The following RIMBP2 variants were observed in gnomAD, a reference collection of about 807,000 sequenced individuals.
RIMBP2 encodes RIMS binding protein 2, also known as RIMS-binding protein 2.
In RIMBP2, 48 loss-of-function variants were observed where a neutral mutation model predicts 118.6. The observed-to-expected ratio is 0.40, with a 90% CI of 0.32 to 0.51. The LOEUF is 0.51. Ranked by LOEUF, RIMBP2 falls within the 20% of genes least tolerant of loss-of-function variation. RIMBP2 has a pLI of 0.41. For missense variants in RIMBP2, 1,551 were observed against 1,768.3 expected, an observed-to-expected ratio of 0.88 and a Z score of 2.20; for synonymous variants, 762 against 742.9, an observed-to-expected ratio of 1.03 and a Z score of -0.42.
chr12:130,631,073 G>A (rs2061967563), intron 1 of RIMBP2, among the ~76,000 whole-genome samples: 1 of 152,136 alleles, frequency 6.6e-6, no homozygotes, highest in African/African-American at 2.4e-5. Flanking sequence ...AGAGCAATGG[G>A]TTTGAAACAA....
In RIMBP2 at chr12:130,481,097, C is replaced by G. The variant is rs536723998; in HGVS notation, c.-3-2081G>C. Among the ~76,000 whole-genome samples the G allele has an allele frequency of 9.9e-3, 237 of 23,898 alleles. 1 individual carries two copies. Among genetic ancestry groups the G allele is most frequent in the African/African-American group, 0.023 (212 of 9,406 alleles). The allele number at this position is 23,898 out of a possible 152,430, so 15.7% of individuals were successfully genotyped here. A position where few individuals can be genotyped will look rare whatever the true frequency, so the allele number is the denominator to read the frequency against. The stretch of plus-strand genomic sequence containing the variant: ...TGCTGAGACTGGCAAGCTGTGAGGG[C>G]GGGGGGCACCCAGGCTCAGGGGGAG... On this transcript the variant is annotated intron_variant, in intron 4 of 22. Transcript: ENST00000690449.
rs2138007841 is a variant in RIMBP2, at chr12:130,475,752, C to T, written c.102+3160G>A. ...ACAGAGAAGTAAGACAACAAGCAAA[C>T]AAAAAAGGCAATTAACTCCAGGGAA... On this transcript the variant is annotated intron_variant, in intron 5 of 22. Transcript: ENST00000690449. This position sits in a 1 kb window ranked among gnomAD's most constrained non-coding sequence, Gnocchi z 4.1. Among the ~76,000 whole-genome samples, 1 of 151,960 alleles carries T rather than the reference C, an allele frequency of 6.6e-6. No individual in the cohort carries two copies. The highest frequency in any genetic ancestry group is 2.1e-4 in the South Asian group (1 of 4,812).
chr12:130,715,439 A>G (rs1169287111), intron 1 of RIMBP2, among the ~76,000 whole-genome samples: 4 of 151,930 alleles, frequency 2.6e-5, no homozygotes, highest in African/African-American at 7.3e-5. Flanking sequence ...GCCTCTGCTG[A>G]CAGATGTCCG....
chr12:130,614,122 G>A (rs1030071070), intron 2 of RIMBP2, among the ~76,000 whole-genome samples: 1 of 152,154 alleles, frequency 6.6e-6, no homozygotes, highest in Non-Finnish European at 1.5e-5. Flanking sequence ...TTTATGTTTC[G>A]GTAGCACTTC....
chr12:130,422,418 C>A lies in RIMBP2; in HGVS notation c.3238+35G>T, dbSNP rs1422531817. On this transcript the variant is annotated intron_variant, in intron 17 of 22. Transcript: ENST00000690449. The surrounding 1 kb of genome is among the most constrained non-coding windows in gnomAD (Gnocchi z 5.2). Reference sequence around the variant, plus strand: ...GAGTAAGCAGCCACATGCTCCGCGGCTGAAAGACACAACAGCGATGATGGG... The same window carrying A: ...GAGTAAGCAGCCACATGCTCCGCGGATGAAAGACACAACAGCGATGATGGG... The A allele has an allele frequency of 7.4e-6, 11 of 1,477,362 alleles. No individual in the cohort carries two copies. The highest frequency in any genetic ancestry group is 1.0e-5 in the Non-Finnish European group (11 of 1,062,792). 91.5% of individuals were successfully genotyped at this position (1,477,362 alleles called of 1,614,324 possible).
At chr12:130,401,504 C>T (rs970163728) in intron 21 of RIMBP2, among the ~76,000 whole-genome samples, 9 of 151,900 alleles carry the variant, frequency 5.9e-5, no homozygotes, top group East Asian at 1.9e-4. Context: ...TGTTCAGCAA[C>T]GCTGCCAGGT....
At chr12:130,487,952 G>A (rs761258789) in intron 4 of RIMBP2, among the ~76,000 whole-genome samples, 14 of 152,110 alleles carry the variant, frequency 9.2e-5, no homozygotes, top group African/African-American at 9.7e-5. Flanking sequence ...GCTTGGTACC[G>A]TTCTAATTCC....
rs960418231 is a variant in RIMBP2, at chr12:130,523,856, G to A, written c.-216-5939C>T. Reference sequence around the variant, plus strand: ...ATGGGGAGAGGTGAGAGGAATTCTCGGTATCTCCTGATACAGGTCTGGTCT... The same window carrying A: ...ATGGGGAGAGGTGAGAGGAATTCTCAGTATCTCCTGATACAGGTCTGGTCT... On this transcript the variant is annotated intron_variant, in intron 2 of 22. Transcript: ENST00000690449. This position sits in a 1 kb window ranked among gnomAD's most constrained non-coding sequence, Gnocchi z 4.4. Among the ~76,000 whole-genome samples the A allele has an allele frequency of 5.3e-5, 8 of 152,112 alleles. No homozygotes were observed. The highest frequency in any genetic ancestry group is 2.4e-5 in the African/African-American group (1 of 41,412).
In RIMBP2 at chr12:130,407,470, T is replaced by C. The variant is rs556044978; in HGVS notation, c.3693+256A>G. Among the ~76,000 whole-genome samples, 15 of 152,316 alleles carry C rather than the reference T, an allele frequency of 9.8e-5. No individual in the cohort carries two copies. The South Asian group carries it at 3.1e-3, about 32-fold the overall frequency. On this transcript the variant is annotated intron_variant, in intron 20 of 22. Transcript: ENST00000690449. ...TTAGATGTGGATGACAGATTGTTCT[T>C]TCTGTCATGGCACAGGAAAATCTGG...
intron 4 of RIMBP2, among the ~76,000 whole-genome samples, chr12:130,503,072 T>C (rs2049952589): frequency 6.6e-6 from 1 of 152,118 alleles, no homozygotes; most frequent in Non-Finnish European, 1.5e-5. Flanking sequence ...TCCAGAATAC[T>C]ACATTTTCTC....
intron 1 of RIMBP2, among the ~76,000 whole-genome samples, chr12:130,645,799 C>T (rs919627811): frequency 2.0e-5 from 3 of 152,144 alleles, no homozygotes; most frequent in African/African-American, 7.2e-5. Flanking sequence ...TATATTTAAG[C>T]CACTTGGAGA....
At position 130,674,898 on chromosome 12, in the gene RIMBP2, G is replaced by A. The variant is rs1027120885; in HGVS notation, c.-352+41324C>T. Among the ~76,000 whole-genome samples the A allele has an allele frequency of 5.3e-5, 8 of 152,140 alleles. No individual in the cohort carries two copies. In the East Asian group the frequency reaches 5.8e-4, roughly 11 times the overall value. Reference sequence around the variant, plus strand: ...CCGGGTCCGGCCTCTTCCACACAGCGTGTCCGCAAGGTTCATCCGTGTGGT... The same window carrying A: ...CCGGGTCCGGCCTCTTCCACACAGCATGTCCGCAAGGTTCATCCGTGTGGT... On this transcript the variant is annotated intron_variant, in intron 1 of 22. Coordinates refer to ENST00000690449, the MANE Select transcript of RIMBP2 (RefSeq NM_001393629.1).
intron 1 of RIMBP2, among the ~76,000 whole-genome samples, chr12:130,659,642 T>TATTACC (rs1405634281): frequency 6.6e-6 from 1 of 150,722 alleles, no homozygotes; most frequent in Non-Finnish European, 1.5e-5. Flanking sequence ...ATATCCAAAA[T>TATTACC]ATTACCATTT....
At chr12:130,682,198 G>A (rs912312686) in intron 1 of RIMBP2, among the ~76,000 whole-genome samples, 2 of 152,080 alleles carry the variant, frequency 1.3e-5, no homozygotes, top group Non-Finnish European at 2.9e-5. Flanking sequence ...AGACAGCCTC[G>A]TCCGCCCTCC....
chr12:130,596,449 A>G (rs553862567), intron 2 of RIMBP2, among the ~76,000 whole-genome samples: 1 of 152,130 alleles, frequency 6.6e-6, no homozygotes, highest in East Asian at 1.9e-4. Context: ...TAGCCCATCA[A>G]TTGCAAAACC....
chr12:130,550,636 A>C (rs1188234977), intron 2 of RIMBP2, among the ~76,000 whole-genome samples: 2 of 152,214 alleles, frequency 1.3e-5, no homozygotes, highest in Non-Finnish European at 2.9e-5. Context: ...AAATGAAAAA[A>C]GGTTAAAAAT....
At chr12:130,491,055 GCA>G (rs962234188) in intron 4 of RIMBP2, among the ~76,000 whole-genome samples, 11 of 152,262 alleles carry the variant, frequency 7.2e-5, no homozygotes, top group African/African-American at 2.6e-4. Flanking sequence ...CACATTGCTG[GCA>G]CAGTTTTCCC....
chr12:130,421,691 A>ATGTGTGTGTGTGTG (rs35161782), intron 17 of RIMBP2, among the ~76,000 whole-genome samples: 1,556 of 147,272 alleles, frequency 0.011, 26 homozygotes, highest in African/African-American at 0.025. Flanking sequence ...CTGCATTTAT[A>ATGTGTGTGTGTGTG]TGTGTGTGTG....
intron 15 of RIMBP2, chr12:130,427,494 G>A (rs1444009759): frequency 2.0e-5 from 3 of 152,342 alleles, no homozygotes; most frequent in African/African-American, 7.2e-5. Context: ...CAGGACCAAG[G>A]GAAAGCCACG....
Sources: gnomAD v4.1 joint callset for allele counts (sites outside exome capture counted in the v4.1 genomes callset) on GRCh38, gnomAD v4.1.1 for gene constraint, Gnocchi (gnomAD v3.1) non-coding constraint, MANE v1.5 for transcripts, NCBI Gene and HGNC (gene_info 2026-07-23, HGNC 2026-07-21) for gene names.